USP34: variants seen among roughly 807,000 people sequenced by gnomAD.
USP34 encodes the protein ubiquitin specific peptidase 34.
USP34 carries 70 observed loss-of-function variants against 460.3 expected under a neutral mutation model. That is an observed-to-expected ratio of 0.15 (90% CI 0.13 to 0.19). The LOEUF is 0.19. USP34 is among the 10% of genes least tolerant of loss of function. USP34 has a pLI of 1.00. For synonymous variants in USP34, 1,647 were observed against 1,405.3 expected, an observed-to-expected ratio of 1.17 and a Z score of -3.85; for missense variants, 3,985 against 4,236.2, an observed-to-expected ratio of 0.94 and a Z score of 1.65.
chr2:61,193,799 G>C (rs1036985508), intron 75 of USP34, among the ~76,000 whole-genome samples: 1 of 152,196 alleles, frequency 6.6e-6, no homozygotes, highest in Admixed American at 6.5e-5. Context: ...GTTAGACAAG[G>C]AGTCAGCAAA....
chr2:61,263,843 G>C (rs1053835941), intron 43 of USP34, among the ~76,000 whole-genome samples: 1 of 152,066 alleles, frequency 6.6e-6, no homozygotes, highest in African/African-American at 2.4e-5. Flanking sequence ...AAGCTGCTTT[G>C]TCCACTTTCT....
intron 75 of USP34, among the ~76,000 whole-genome samples, chr2:61,199,637 C>T (rs1034747150): frequency 1.3e-5 from 2 of 152,210 alleles, no homozygotes; most frequent in Non-Finnish European, 2.9e-5. Flanking sequence ...AGACAGCTAA[C>T]CAGTTATGTC....
Position 61,188,071 on chromosome 2 carries a change from G to GGACTT in USP34, c.*26_*30dup. On this transcript the variant is annotated 3_prime_UTR_variant, in exon 80 of 80. Coordinates refer to ENST00000398571, the MANE Select transcript of USP34 (RefSeq NM_014709.4). ...AAACAGCATGGGGGTTGGGGGTGAGGGACTTAAAAGTAGACATGCTACACC... is the reference window on the plus strand; with the variant it reads ...AAACAGCATGGGGGTTGGGGGTGAGGGACTTGACTTAAAAGTAGACATGCTACACC... 2 of 1,585,290 alleles carry GGACTT rather than the reference G, an allele frequency of 1.3e-6. No individual in the cohort carries two copies. Among genetic ancestry groups the GGACTT allele is most frequent in the South Asian group, 2.3e-5 (2 of 86,120 alleles).
intron 25 of USP34, among the ~76,000 whole-genome samples, chr2:61,313,639 T>C (rs186285497): frequency 6.6e-6 from 1 of 152,234 alleles, no homozygotes; most frequent in East Asian, 1.9e-4. Flanking sequence ...GTTAAAGTTA[T>C]AAGGCAGTAA....
Position 61,417,990 on chromosome 2 carries a change from C to CT in USP34, c.131+2755dup, listed in dbSNP as rs533133490. On this transcript the variant is annotated intron_variant, in intron 2 of 79. Transcript: ENST00000398571. ...TCCTGAACTCAAGTGATCCACCTCC[C>CT]TGGGCCTCCCAAAGTGCTGGGATTA... Among the ~76,000 whole-genome samples the CT allele has an allele frequency of 4.3e-4, 65 of 151,710 alleles. No homozygotes were observed. The East Asian group carries it at 0.012, about 28-fold the overall frequency.
intron 34 of USP34, among the ~76,000 whole-genome samples, chr2:61,286,737 C>T (rs1379976350): frequency 6.6e-6 from 1 of 152,092 alleles, no homozygotes; most frequent in Non-Finnish European, 1.5e-5. Context: ...GAGTAGTCAC[C>T]TATGACTAGG....
intron 30 of USP34, among the ~76,000 whole-genome samples, chr2:61,295,556 T>C (rs916712573): frequency 1.3e-5 from 2 of 152,176 alleles, no homozygotes; most frequent in African/African-American, 4.8e-5. Flanking sequence ...TCTTCCCAAT[T>C]AAAAGAAGAA....
chr2:61,429,984 CG>C (rs1207454878), intron 1 of USP34, among the ~76,000 whole-genome samples: 1 of 152,048 alleles, frequency 6.6e-6, no homozygotes, highest in Non-Finnish European at 1.5e-5. Flanking sequence ...GAGGCCGAGG[CG>C]GGTGGATCAC....
At chr2:61,316,920 TTC>T (rs1050662740) in intron 23 of USP34, among the ~76,000 whole-genome samples, 41 of 152,266 alleles carry the variant, frequency 2.7e-4, no homozygotes, top group African/African-American at 7.5e-4. Flanking sequence ...TTAAAAATAA[TTC>T]TTTTTCCTTT....
chr2:61,301,401 C>A lies in USP34; in HGVS notation c.3871G>T (p.Asp1291Tyr). Residue 1291 changes from aspartate (D) to tyrosine (Y), a missense_variant, in exon 28 of 80, where the codon GAT becomes TAT. Around this residue, in one of 14 missense-constraint regions of USP34, gnomAD observed 1,114 missense variants for 1,122.5 expected, o/e 0.99. Coordinates refer to ENST00000398571, the MANE Select transcript of USP34 (RefSeq NM_014709.4). ...TCATGAAGTGCTTTTTCATCATAAT[C>A]TGTTGTTAACTCGTGTCCAGATGAA... is the stretch of plus-strand genomic sequence containing the variant. ...MISSGHELTT[D>Y]YDEKALHELG... 1 of 1,614,020 alleles carries A rather than the reference C, an allele frequency of 6.2e-7. No individual in the cohort carries two copies. Among genetic ancestry groups the A allele is most frequent in the Non-Finnish European group, 8.5e-7 (1 of 1,179,980 alleles).
At chr2:61,360,635 C>A (rs1023050826) in intron 10 of USP34, among the ~76,000 whole-genome samples, 3 of 152,172 alleles carry the variant, frequency 2.0e-5, no homozygotes, top group South Asian at 2.1e-4. Context: ...ACAGAGTCAA[C>A]GCAATCCCTA....
chr2:61,438,838 G>T (rs976195761), intron 1 of USP34, among the ~76,000 whole-genome samples: 2 of 152,112 alleles, frequency 1.3e-5, no homozygotes, highest in Admixed American at 1.3e-4. Flanking sequence ...AAGTAGTTCT[G>T]GGCATCCAAA....
chr2:61,446,113 C>CAAAA (rs35776849), intron 1 of USP34, among the ~76,000 whole-genome samples: 15 of 87,178 alleles, frequency 1.7e-4, no homozygotes, highest in African/African-American at 1.9e-4. Context: ...GACTCTGTCT[C>CAAAA]AAAAAAAAAA....
intron 3 of USP34, among the ~76,000 whole-genome samples, chr2:61,395,823 T>C (rs1693505849): frequency 6.7e-6 from 1 of 150,300 alleles, no homozygotes; most frequent in African/African-American, 2.4e-5. Flanking sequence ...CCCAGCACTT[T>C]GGGAGGCCGA....
chr2:61,214,114 C>T lies in USP34; in HGVS notation c.8628G>A (p.Gln2876=). 1 of 1,614,202 alleles carries T rather than the reference C, an allele frequency of 6.2e-7. No homozygotes were observed. Residue 2876 remains glutamine, a synonymous_variant, in exon 68 of 80, where the codon CAG becomes CAA. Transcript: ENST00000398571. ...GATTCTTAAAGGCCCACTGGATGTT[C>T]TGGTGAGAAGCCAGTTGTCGTGTGA... ...PAFTRQLASH[Q]NIQWAFKNLT...
At chr2:61,246,504 T>A in intron 49 of USP34, 27 bp from the exon 50 acceptor site, 1 of 1,451,470 alleles carries the variant, frequency 6.9e-7, no homozygotes, top group Non-Finnish European at 9.2e-7. Flanking sequence ...AGAATGGAAA[T>A]AATTTTCCAA....
chr2:61,251,415 T>G (rs1388211316), intron 48 of USP34, among the ~76,000 whole-genome samples: 1 of 152,236 alleles, frequency 6.6e-6, no homozygotes, highest in Non-Finnish European at 1.5e-5. Context: ...ATTGTTTAAT[T>G]TAAATGAATG....
intron 76 of USP34, among the ~76,000 whole-genome samples, chr2:61,192,310 C>T (rs1017749933): frequency 6.6e-6 from 1 of 152,236 alleles, no homozygotes; most frequent in African/African-American, 2.4e-5. Flanking sequence ...ATTAGTACCT[C>T]CTCCTCTTCC....
intron 1 of USP34, among the ~76,000 whole-genome samples, chr2:61,464,821 C>G (rs1208804611): frequency 1.3e-5 from 2 of 150,742 alleles, no homozygotes. Context: ...AGTGAGTTTG[C>G]TATGGTGATG....
Sources: gnomAD v4.1 joint callset for allele counts (sites outside exome capture counted in the v4.1 genomes callset) on GRCh38, gnomAD v4.1.1 for gene constraint, gnomAD v4.1.1 regional missense constraint, MANE v1.5 for transcripts, NCBI Gene and HGNC (gene_info 2026-07-23, HGNC 2026-07-21) for gene names.